Variants in TMX4 observed in about 807,000 individuals in gnomAD.
TMX4 encodes thioredoxin related transmembrane protein 4.
TMX4 carries 23 observed loss-of-function variants against 33.3 expected under a neutral mutation model. That is an observed-to-expected ratio of 0.69 (90% CI 0.50 to 0.98). The LOEUF is 0.98. Ranked by LOEUF, TMX4 falls within the 50% of genes least tolerant of loss-of-function variation. TMX4 has a pLI of 0.00. For synonymous variants in TMX4, 164 were observed against 161.5 expected (o/e 1.02, Z -0.12); for missense variants, 399 against 448.9 (o/e 0.89, Z 1.01).
At chr20:7,990,036 C>T (rs925390557) in intron 5 of TMX4, among the ~76,000 whole-genome samples, 2 of 152,106 alleles carry the variant, frequency 1.3e-5, no homozygotes, top group Non-Finnish European at 2.9e-5. Context: ...GTGGCTCACA[C>T]CTGTAATCCC....
intron 2 of TMX4, among the ~76,000 whole-genome samples, chr20:8,008,460 CATT>C: frequency 6.6e-6 from 1 of 152,048 alleles, no homozygotes; most frequent in Non-Finnish European, 1.5e-5. Flanking sequence ...TCTCTTATTT[CATT>C]ATCAAGAAAA....
Position 7,981,961 on chromosome 20 carries a change from T to C in TMX4, c.*290A>G. ...GGAAGGTGCTGATTAGGACTGGGAATGGCCTCCTCTGGTCGAGACTCTCTG... is the reference window on the plus strand; with the variant it reads ...GGAAGGTGCTGATTAGGACTGGGAACGGCCTCCTCTGGTCGAGACTCTCTG... On this transcript the variant is annotated 3_prime_UTR_variant, in exon 8 of 8. Coordinates refer to ENST00000246024, the MANE Select transcript of TMX4 (RefSeq NM_021156.4). 6.1e-6 allele frequency: 2 copies of C among 325,568 alleles called. No homozygotes were observed. Among genetic ancestry groups the C allele is most frequent in the Non-Finnish European group, 1.1e-5 (2 of 177,752 alleles). The allele number at this position is 325,568 out of a possible 1,614,324, so 20.2% of individuals were successfully genotyped here.
intron 4 of TMX4, among the ~76,000 whole-genome samples, chr20:7,998,869 T>C (rs2050689056): frequency 6.6e-6 from 1 of 152,118 alleles, no homozygotes; most frequent in African/African-American, 2.4e-5. Flanking sequence ...TATCCCATCT[T>C]TGTAAAATAT....
chr20:8,008,752 G>A (rs2050740588), intron 2 of TMX4, among the ~76,000 whole-genome samples: 1 of 152,108 alleles, frequency 6.6e-6, no homozygotes, highest in Non-Finnish European at 1.5e-5. Context: ...ATGAAAACAA[G>A]TTTCTGGCAA....
chr20:7,990,413 C>T (rs1480021002), intron 5 of TMX4, among the ~76,000 whole-genome samples: 3 of 151,954 alleles, frequency 2.0e-5, no homozygotes, highest in Admixed American at 2.0e-4. Context: ...TGGCTACATA[C>T]ATATTTGAGT....
chr20:7,978,370 C>A lies in TMX4; in HGVS notation c.*3881G>T, dbSNP rs1429032057. 6.6e-6 allele frequency: 1 copy of A among 151,992 alleles called. No individual in the cohort carries two copies. Among genetic ancestry groups the A allele is most frequent in the Non-Finnish European group, 1.5e-5 (1 of 68,012 alleles). The allele number at this position is 151,992 out of a possible 1,614,324, so 9.4% of individuals were successfully genotyped here. On this transcript the variant is annotated 3_prime_UTR_variant, in exon 8 of 8. Coordinates refer to ENST00000246024, the MANE Select transcript of TMX4 (RefSeq NM_021156.4). ...GTTTCCATCCTATGAAACAACATAC[C>A]AGCTCCACTACTGATGCATTTGGTA...
At chr20:8,009,721 G>C (rs1272143727) in intron 2 of TMX4, among the ~76,000 whole-genome samples, 4 of 151,886 alleles carry the variant, frequency 2.6e-5, no homozygotes. Context: ...GAAACACCTA[G>C]GAAAACTGTA....
intron 4 of TMX4, among the ~76,000 whole-genome samples, chr20:7,996,972 T>C (rs76981318): frequency 0.014 from 2,080 of 152,240 alleles, 55 homozygotes; most frequent in East Asian, 0.065. Flanking sequence ...GACCTCACCA[T>C]GTTTCATTCA....
At chr20:8,008,605 A>C (rs1449061055) in intron 2 of TMX4, among the ~76,000 whole-genome samples, 1 of 152,192 alleles carries the variant, frequency 6.6e-6, no homozygotes, top group Admixed American at 6.5e-5. Flanking sequence ...ATTATGCTAT[A>C]AATTCTGAGC....
At chr20:8,011,384 C>T (rs567900857) in intron 1 of TMX4, among the ~76,000 whole-genome samples, 1 of 151,842 alleles carries the variant, frequency 6.6e-6, no homozygotes, top group East Asian at 1.9e-4. Context: ...AATCCTGTAA[C>T]AAGATTTAGG....
rs1568541353 is a variant in TMX4 at position 8,018,524 on chromosome 20, G to C, written c.176+914C>G. ...AGAGAGAGAGAGAGAGAGAGAGAGA[G>C]AGAGTCTGCAAGCCCACCATGATGG... On this transcript the variant is annotated intron_variant, in intron 1 of 7. Coordinates refer to ENST00000246024, the MANE Select transcript of TMX4 (RefSeq NM_021156.4). Among the ~76,000 whole-genome samples, 33 of 45,342 alleles carry C rather than the reference G, an allele frequency of 7.3e-4. 6 individuals are homozygous for C. Among genetic ancestry groups the C allele is most frequent in the Middle Eastern group, 0.014 (1 of 70 alleles). 29.7% of individuals were successfully genotyped at this position (45,342 alleles called of 152,430 possible). A position where few individuals can be genotyped will look rare whatever the true frequency, so the allele number is the denominator to read the frequency against.
At position 7,982,475 on chromosome 20, in the gene TMX4, C is replaced by A. The variant is rs1336609645; in HGVS notation, c.826G>T (p.Ala276Ser). 6.2e-7 allele frequency: 1 copy of A among 1,614,020 alleles called. No homozygotes were observed. Among genetic ancestry groups the A allele is most frequent in the Non-Finnish European group, 8.5e-7 (1 of 1,179,954 alleles). ...EKEDLGDEDEAEEEEEEDNLA... is the reference protein window; with the variant it reads ...EKEDLGDEDESEEEEEEDNLA... ...TTGTCCTCCTCCTCTTCTTCCTCTG[C>A]TTCATCCTCATCGCCAAGATCTTCT... Residue 276 changes from alanine to serine, a missense_variant, in exon 8 of 8, where the codon GCA becomes TCA. Ala to Ser is a moderately conservative substitution (Grantham distance 99). Coordinates refer to ENST00000246024, the MANE Select transcript of TMX4 (RefSeq NM_021156.4).
At chr20:8,008,331 C>T (rs563538974) in intron 2 of TMX4, among the ~76,000 whole-genome samples, 2 of 151,838 alleles carry the variant, frequency 1.3e-5, no homozygotes, top group Non-Finnish European at 2.9e-5. Flanking sequence ...TTTCAATATT[C>T]CTACAGAATA....
At position 7,981,813 on chromosome 20, in the gene TMX4, T is replaced by A. The variant is rs1568532288; in HGVS notation, c.*438A>T. Reference sequence around the variant, plus strand: ...TGTGGTGCCTGATGTTTCCTGCAATTTGACAAAAATAAATACTTTACACAA... The same window carrying A: ...TGTGGTGCCTGATGTTTCCTGCAATATGACAAAAATAAATACTTTACACAA... On this transcript the variant is annotated 3_prime_UTR_variant, in exon 8 of 8. Coordinates refer to ENST00000246024, the MANE Select transcript of TMX4 (RefSeq NM_021156.4). 1 of 158,176 alleles carries A rather than the reference T, an allele frequency of 6.3e-6. No individual in the cohort carries two copies. The highest frequency in any genetic ancestry group is 1.4e-5 in the Non-Finnish European group (1 of 72,046). The allele number at this position is 158,176 out of a possible 1,614,324, so 9.8% of individuals were successfully genotyped here. A position where few individuals can be genotyped will look rare whatever the true frequency, so the allele number is the denominator to read the frequency against.
chr20:7,999,905 C>T (rs764424621), intron 3 of TMX4, 45 bp from the exon 4 acceptor site: 69 of 1,580,398 alleles, frequency 4.4e-5, no homozygotes, highest in Non-Finnish European at 5.6e-5. Flanking sequence ...ATTAAAATAA[C>T]GATGTTACAG....
chr20:7,996,209 T>C lies in TMX4; in HGVS notation c.468-138A>G, dbSNP rs115927491. 2.3e-3 allele frequency: 1,494 copies of C among 640,598 alleles called. 16 individuals are homozygous for C. The African/African-American group carries it at 0.024, about 10-fold the overall frequency. 39.7% of individuals were successfully genotyped at this position (640,598 alleles called of 1,614,324 possible). A position where few individuals can be genotyped will look rare whatever the true frequency, so the allele number is the denominator to read the frequency against. The stretch of plus-strand genomic sequence containing the variant: ...CCTCTCCCAGATTCATATCTGTTCT[T>C]ACAGAGCTTAGATTCAGTGGCTATC... On this transcript the variant is annotated intron_variant, in intron 4 of 7. Transcript: ENST00000246024.
chr20:8,019,727 C>A lies in TMX4; in HGVS notation c.-114G>T, dbSNP rs1467822869. On this transcript the variant is annotated 5_prime_UTR_variant, in exon 1 of 8. Coordinates refer to ENST00000246024, the MANE Select transcript of TMX4 (RefSeq NM_021156.4). ...GGAAGCGGGAGACGCAAGGGCCACC[C>A]CGCCTACGCCTAGCGGCGCAGACTG... The A allele has an allele frequency of 3.1e-5, 28 of 916,440 alleles. No homozygotes were observed. The highest frequency in any genetic ancestry group is 2.9e-6 in the Non-Finnish European group (2 of 690,440). The allele number at this position is 916,440 out of a possible 1,614,324, so 56.8% of individuals were successfully genotyped here.
At chr20:8,002,851 A>C (rs1292333126) in intron 2 of TMX4, among the ~76,000 whole-genome samples, 1 of 152,198 alleles carries the variant, frequency 6.6e-6, no homozygotes, top group Non-Finnish European at 1.5e-5. Context: ...AAAACATCTC[A>C]ATTGTATTTA....
chr20:8,001,453 T>C, intron 3 of TMX4, 43 bp downstream of exon 3: 2 of 1,542,158 alleles, frequency 1.3e-6, no homozygotes, highest in Non-Finnish European at 1.8e-6. Flanking sequence ...ACACATCTAT[T>C]GATTTCTAAT....
Sources: allele counts gnomAD v4.1 joint callset (sites outside exome capture counted in the v4.1 genomes callset), GRCh38; gene constraint gnomAD v4.1.1; transcripts MANE v1.5; gene names NCBI Gene and HGNC (gene_info 2026-07-23, HGNC 2026-07-21).